Variants in ZNF385D observed in about 807,000 individuals in gnomAD.
The protein encoded by ZNF385D is zinc finger protein 659.
Under a neutral mutation model 35.8 loss-of-function variants are expected in ZNF385D, and 15 were observed. That is an observed-to-expected ratio of 0.42 (90% CI 0.28 to 0.64). The LOEUF (loss-of-function observed/expected upper bound fraction) is 0.64. Ranked by LOEUF, ZNF385D falls within the 30% of genes least tolerant of loss-of-function variation. The pLI is 0.23. For synonymous variants in ZNF385D, 212 were observed against 186.8 expected, an observed-to-expected ratio of 1.13 and a Z score of -1.10; for missense variants, 474 against 494.6, an observed-to-expected ratio of 0.96 and a Z score of 0.39.
At chr3:22,021,312 AAAC>A (rs1260339197) in intron 3 of ZNF385D, among the ~76,000 whole-genome samples, 13 of 152,068 alleles carry the variant, frequency 8.5e-5, no homozygotes, top group Non-Finnish European at 1.6e-4. Flanking sequence ...TTGATACTTC[AAAC>A]CTCAAAGCTT....
chr3:22,075,796 T>C (rs1293733968), intron 3 of ZNF385D, among the ~76,000 whole-genome samples: 1 of 151,976 alleles, frequency 6.6e-6, no homozygotes, highest in Non-Finnish European at 1.5e-5. Flanking sequence ...GCATTTCCTA[T>C]TCTCCTTTGC....
intron 3 of ZNF385D, among the ~76,000 whole-genome samples, chr3:21,828,276 A>T (rs1694779962): frequency 6.6e-6 from 1 of 152,228 alleles, no homozygotes; most frequent in African/African-American, 2.4e-5. Flanking sequence ...ATTCATTTTG[A>T]ACAGGAAATC....
chr3:21,833,701 G>T (rs926801130), intron 3 of ZNF385D, among the ~76,000 whole-genome samples: 16 of 152,136 alleles, frequency 1.1e-4, no homozygotes, highest in African/African-American at 3.9e-4. Context: ...AGGCTTAAGA[G>T]CAGGAGACTT....
intron 3 of ZNF385D, among the ~76,000 whole-genome samples, chr3:21,905,689 A>T (rs1699649616): frequency 6.7e-6 from 1 of 148,732 alleles, no homozygotes; most frequent in Non-Finnish European, 1.5e-5. Context: ...CATCTGTGGT[A>T]ATATATATAT....
intron 2 of ZNF385D, among the ~76,000 whole-genome samples, chr3:21,652,031 A>G (rs57797125): frequency 0.016 from 2,421 of 152,300 alleles, 53 homozygotes; most frequent in African/African-American, 0.055. Context: ...ATTGATACTC[A>G]TATAAGCAGC....
intron 2 of ZNF385D, among the ~76,000 whole-genome samples, chr3:22,238,421 A>G (rs1699310110): frequency 6.6e-6 from 1 of 151,082 alleles, no homozygotes. Context: ...TATCTTTAAA[A>G]TGTCAAATTT....
At chr3:22,252,692 G>A (rs200208402) in intron 2 of ZNF385D, among the ~76,000 whole-genome samples, 1 of 152,088 alleles carries the variant, frequency 6.6e-6, no homozygotes, top group African/African-American at 2.4e-5. Context: ...ACTGAAGGCT[G>A]ATTCAGGTGT....
At chr3:21,796,346 C>T (rs1247175090) in intron 3 of ZNF385D, among the ~76,000 whole-genome samples, 2 of 152,148 alleles carry the variant, frequency 1.3e-5, no homozygotes, top group East Asian at 1.9e-4. Context: ...AAGAAAACTA[C>T]AAATCAATAT....
chr3:21,731,255 TA>T (rs2068983651), intron 1 of ZNF385D, among the ~76,000 whole-genome samples: 1 of 152,210 alleles, frequency 6.6e-6, no homozygotes, highest in Non-Finnish European at 1.5e-5. Context: ...TATTTTTATT[TA>T]CATTTTGTTA....
chr3:21,515,038 C>A (rs1262404660), intron 3 of ZNF385D, among the ~76,000 whole-genome samples: 1 of 152,062 alleles, frequency 6.6e-6, no homozygotes, highest in African/African-American at 2.4e-5. Context: ...ACTTTAGTCA[C>A]CAGTAGTCAG....
chr3:21,817,906 T>A (rs910860989), intron 3 of ZNF385D, among the ~76,000 whole-genome samples: 1 of 152,214 alleles, frequency 6.6e-6, no homozygotes, highest in Non-Finnish European at 1.5e-5. Flanking sequence ...CTACTCACAA[T>A]AGCAAAGACT....
At chr3:22,037,942 A>T (rs1366374665) in intron 3 of ZNF385D, among the ~76,000 whole-genome samples, 2 of 152,146 alleles carry the variant, frequency 1.3e-5, no homozygotes, top group Non-Finnish European at 2.9e-5. Context: ...CAACTATCTG[A>T]TCTTTGACAA....
At chr3:21,444,930 C>T (rs1037055565) in intron 4 of ZNF385D, among the ~76,000 whole-genome samples, 1 of 152,158 alleles carries the variant, frequency 6.6e-6, no homozygotes, top group Non-Finnish European at 1.5e-5. Flanking sequence ...GACCAGGTCA[C>T]ACACCTTGAC....
chr3:21,710,498 A>G (rs544043443), intron 1 of ZNF385D, among the ~76,000 whole-genome samples: 1 of 152,248 alleles, frequency 6.6e-6, no homozygotes, highest in South Asian at 2.1e-4. Flanking sequence ...ATAATCCTCC[A>G]TAACCTGAGA....
intron 4 of ZNF385D, among the ~76,000 whole-genome samples, chr3:21,460,995 A>G (rs1004596070): frequency 2.0e-5 from 3 of 152,280 alleles, no homozygotes; most frequent in Non-Finnish European, 4.4e-5. Flanking sequence ...TCAGAGCGGA[A>G]TCTATTTTTG....
Position 21,467,566 on chromosome 3 carries a change from A to C in ZNF385D, c.440-30363T>G, listed in dbSNP as rs184435659. 8.1e-4 allele frequency among the ~76,000 whole-genome samples: 123 copies of C among 152,320 alleles called. 1 individual carries two copies. The highest frequency in any genetic ancestry group is 1.6e-3 in the Non-Finnish European group (108 of 68,028). ...GCAAGCTGGCAAACATGCTGACTTGAATTCACTTCCACTACTAGAGCTTTG... is the reference window on the plus strand; with the variant it reads ...GCAAGCTGGCAAACATGCTGACTTGCATTCACTTCCACTACTAGAGCTTTG... On this transcript the variant is annotated intron_variant, in intron 4 of 7. Transcript: ENST00000281523.
chr3:22,238,999 C>T (rs1699343834), intron 2 of ZNF385D, among the ~76,000 whole-genome samples: 1 of 150,836 alleles, frequency 6.6e-6, no homozygotes, highest in Admixed American at 6.6e-5. Context: ...AGTGATCCTC[C>T]TGCCTCAGCC....
upstream of ZNF385D, among the ~76,000 whole-genome samples, chr3:21,754,276 A>G (rs557196153): frequency 6.6e-6 from 1 of 152,292 alleles, no homozygotes; most frequent in African/African-American, 2.4e-5. Flanking sequence ...TTCATATGTC[A>G]TCTCAAGGGA....
chr3:21,887,747 T>C (rs1317985378), intron 3 of ZNF385D, among the ~76,000 whole-genome samples: 1 of 152,064 alleles, frequency 6.6e-6, no homozygotes, highest in Non-Finnish European at 1.5e-5. Context: ...TACCCTAGGC[T>C]CTAGGGAGTC....
Sources: gnomAD v4.1 joint callset for allele counts (sites outside exome capture counted in the v4.1 genomes callset) on GRCh38, gnomAD v4.1.1 for gene constraint, MANE v1.5 for transcripts, NCBI Gene and HGNC (gene_info 2026-07-23, HGNC 2026-07-21) for gene names.